Variants in FBN1 observed in about 807,000 individuals in gnomAD.
The protein encoded by FBN1 is fibrillin 1, also known as fibrillin-1.
Under a neutral mutation model 365.1 loss-of-function variants are expected in FBN1, and 29 were observed. That is an observed-to-expected ratio of 0.08 (90% confidence interval 0.06 to 0.11). FBN1 has a LOEUF of 0.11. FBN1 is among the 10% of genes least tolerant of loss of function. The pLI is 1.00. For synonymous variants in FBN1, 1,210 were observed against 1,270.5 expected (o/e 0.95, Z 1.01); for missense variants, 2,476 against 3,703.2 (o/e 0.67, Z 8.60).
intron 6 of FBN1, among the ~76,000 whole-genome samples, chr15:48,545,282 G>A (rs1268248969): frequency 6.6e-6 from 1 of 152,022 alleles, no homozygotes; most frequent in Non-Finnish European, 1.5e-5. Context: ...TTGTAATATT[G>A]TTTATTTTCC....
At chr15:48,536,372 A>T (rs2044014083) in intron 7 of FBN1, among the ~76,000 whole-genome samples, 1 of 152,022 alleles carries the variant, frequency 6.6e-6, no homozygotes, top group Non-Finnish European at 1.5e-5. Flanking sequence ...TTAGCACCCT[A>T]ACCTCTGACA....
At chr15:48,466,064 C>T (rs1240895327) in intron 38 of FBN1, among the ~76,000 whole-genome samples, 1 of 152,212 alleles carries the variant, frequency 6.6e-6, no homozygotes, top group Non-Finnish European at 1.5e-5. Context: ...CAGTGCAAGG[C>T]CACTGTCCTC....
chr15:48,516,202 A>G lies in FBN1; in HGVS notation c.1308T>C (p.Tyr436=). ...PVPRPPVEYL[Y]PSREPPRVLP... is the part of the protein sequence containing the mutation. Reference sequence around the variant, plus strand: ...TCTTACTTGGTGGCTCCCGAGATGGATACAGATATTCCACTGGTGGTCGAG... The same window carrying G: ...TCTTACTTGGTGGCTCCCGAGATGGGTACAGATATTCCACTGGTGGTCGAG... Residue 436 remains tyrosine, a synonymous_variant, in exon 11 of 66, where the codon TAT becomes TAC. Coordinates refer to ENST00000316623, the MANE Select transcript of FBN1 (RefSeq NM_000138.5). 6.2e-7 allele frequency: 1 copy of G among 1,613,880 alleles called. No individual in the cohort carries two copies. The highest frequency in any genetic ancestry group is 8.5e-7 in the Non-Finnish European group (1 of 1,179,856).
At chr15:48,601,825 T>C (rs918884311) in intron 4 of FBN1, among the ~76,000 whole-genome samples, 4 of 152,156 alleles carry the variant, frequency 2.6e-5, no homozygotes, top group Admixed American at 6.5e-5. Flanking sequence ...AAATGCCTTT[T>C]CAACAACATG....
chr15:48,609,128 G>A (rs551648406), intron 4 of FBN1, among the ~76,000 whole-genome samples: 10 of 152,330 alleles, frequency 6.6e-5, no homozygotes, highest in Admixed American at 1.3e-4. Context: ...GAGATGTCCC[G>A]CATGTTCCCA....
intron 9 of FBN1, 146 bp downstream of exon 9, chr15:48,525,984 C>T: frequency 9.8e-7 from 1 of 1,020,836 alleles, no homozygotes; most frequent in Non-Finnish European, 1.5e-6. Flanking sequence ...TTTAAGAGGG[C>T]AGTCAACTGT....
At chr15:48,475,096 G>T (rs1284226966) in intron 32 of FBN1, among the ~76,000 whole-genome samples, 2 of 151,702 alleles carry the variant, frequency 1.3e-5, no homozygotes, top group African/African-American at 2.4e-5. Context: ...GAAAATTTTT[G>T]CATTATATTC....
At chr15:48,520,960 C>T (rs563850441) in intron 9 of FBN1, 143 bp from the exon 10 acceptor site, 25 of 1,109,892 alleles carry the variant, frequency 2.3e-5, no homozygotes, top group Middle Eastern at 2.4e-4. Context: ...AGGGAAGCTG[C>T]GAGCGCTGCA....
intron 2 of FBN1, chr15:48,643,498 C>T (rs1263152854): frequency 6.6e-6 from 1 of 152,066 alleles, no homozygotes; most frequent in Non-Finnish European, 1.5e-5. Flanking sequence ...CTGGGCCATA[C>T]AAACACAAAT....
intron 61 of FBN1, 104 bp from the exon 62 acceptor site, chr15:48,421,790 G>T (rs1381548714): frequency 1.5e-6 from 2 of 1,378,784 alleles, no homozygotes; most frequent in Admixed American, 3.8e-5. Context: ...GCCAAATAAG[G>T]CCAACAACGC....
chr15:48,507,604 G>GACTT (rs1171604704), intron 15 of FBN1, among the ~76,000 whole-genome samples: 4 of 152,146 alleles, frequency 2.6e-5, no homozygotes, highest in Non-Finnish European at 4.4e-5. Context: ...TCTTGCCAAG[G>GACTT]ACTTAATACA....
At chr15:48,527,012 G>C (rs1413129511) in intron 8 of FBN1, among the ~76,000 whole-genome samples, 2 of 152,176 alleles carry the variant, frequency 1.3e-5, no homozygotes, top group Non-Finnish European at 2.9e-5. Context: ...TCAAAGTCTG[G>C]TGCATCCTGC....
chr15:48,431,303 G>A (rs923030512), intron 55 of FBN1, among the ~76,000 whole-genome samples: 15 of 151,688 alleles, frequency 9.9e-5, no homozygotes, highest in Non-Finnish European at 1.8e-4. Flanking sequence ...GTTTCACCAT[G>A]TTGTCCAGTC....
At chr15:48,610,960 A>C (rs2140734298) in intron 3 of FBN1, 134 bp from the exon 4 acceptor site, 1 of 720,222 alleles carries the variant, frequency 1.4e-6, no homozygotes, top group East Asian at 2.8e-5. Context: ...TATGACCTTA[A>C]GCCTCAGGTG....
chr15:48,414,270 C>G (rs1162504405), intron 64 of FBN1, among the ~76,000 whole-genome samples: 3 of 152,194 alleles, frequency 2.0e-5, no homozygotes, highest in African/African-American at 7.2e-5. Flanking sequence ...TGCTGGCATT[C>G]TGTGTGCTTC....
chr15:48,493,170 C>T (rs1396697165), intron 23 of FBN1, among the ~76,000 whole-genome samples: 2 of 152,156 alleles, frequency 1.3e-5, no homozygotes, highest in Non-Finnish European at 2.9e-5. Context: ...TACTCATGTT[C>T]ATTCATTCAT....
chr15:48,538,426 C>A (rs1288750706), intron 6 of FBN1, among the ~76,000 whole-genome samples: 5 of 152,154 alleles, frequency 3.3e-5, no homozygotes, highest in African/African-American at 9.7e-5. Context: ...TTTGTCCATG[C>A]AAAACACATT....
rs1597628753 is a variant in FBN1 at position 48,605,714 on chromosome 15, A to T, written c.346+5014T>A. Among the ~76,000 whole-genome samples the T allele has an allele frequency of 2.0e-5, 3 of 152,070 alleles. No individual in the cohort carries two copies. In the East Asian group the frequency reaches 5.8e-4, roughly 29 times the overall value. ...ATGGCAAAACCCTGTCTCTACCAAA[A>T]ATACAAAAAACTTAGTGGGGCATGG... On this transcript the variant is annotated intron_variant, in intron 4 of 65. Transcript: ENST00000316623.
At chr15:48,491,398 C>T (rs905902768) in intron 24 of FBN1, among the ~76,000 whole-genome samples, 3 of 151,208 alleles carry the variant, frequency 2.0e-5, no homozygotes, top group Admixed American at 1.3e-4. Flanking sequence ...TTGCCTAGGC[C>T]GGACTGCAGT....
Sources: allele counts gnomAD v4.1 joint callset (sites outside exome capture counted in the v4.1 genomes callset), GRCh38; gene constraint gnomAD v4.1.1; transcripts MANE v1.5; gene names NCBI Gene and HGNC (gene_info 2026-07-23, HGNC 2026-07-21).